The following BCL2 variants were observed in gnomAD, a reference collection of about 807,000 sequenced individuals.
BCL2 encodes the protein BCL2 apoptosis regulator, also known as apoptosis regulator Bcl-2.
BCL2 carries 1 observed loss-of-function variant against 14.2 expected under a neutral mutation model. That is an observed-to-expected ratio of 0.07 (90% CI 0.02 to 0.33). BCL2 has a LOEUF of 0.33. Among genes scored for constraint, BCL2 ranks in the 10% least tolerant of loss-of-function variants. The pLI, the probability that BCL2 is intolerant of heterozygous loss-of-function variation, is 0.99. For missense variants in BCL2, 247 were observed against 305.9 expected, an observed-to-expected ratio of 0.81 and a Z score of 1.44; for synonymous variants, 151 against 137.2, an observed-to-expected ratio of 1.10 and a Z score of -0.70.
intron 2 of BCL2, among the ~76,000 whole-genome samples, chr18:63,254,204 C>T (rs954862685): frequency 6.6e-5 from 10 of 151,710 alleles, no homozygotes; most frequent in East Asian, 5.8e-4. Context: ...TAACAATGGC[C>T]GTGTAAACAA....
chr18:63,218,730 CCT>C (rs1910289473), intron 2 of BCL2, among the ~76,000 whole-genome samples: 1 of 60,522 alleles, frequency 1.7e-5, no homozygotes, highest in Non-Finnish European at 3.7e-5. Flanking sequence ...TCCTCCCCAT[CCT>C]CCACTCATCT....
At chr18:63,145,822 T>C (rs1914497104) in intron 2 of BCL2, among the ~76,000 whole-genome samples, 3 of 152,146 alleles carry the variant, frequency 2.0e-5, no homozygotes, top group Admixed American at 6.5e-5. Flanking sequence ...AATCACAGCA[T>C]CCTTCATGCA....
intron 2 of BCL2, among the ~76,000 whole-genome samples, chr18:63,256,242 A>C (rs1223589907): frequency 1.3e-5 from 2 of 152,214 alleles, no homozygotes; most frequent in Non-Finnish European, 2.9e-5. Flanking sequence ...TTTGAGACCG[A>C]GTCTCGCTCT....
rs138495693 is a variant in BCL2, at chr18:63,133,792, G to C, written c.586-5033C>G. On this transcript the variant is annotated intron_variant, in intron 2 of 2. Transcript: ENST00000333681. ...TGAATTTGGTAATGCATATCAAAAG[G>C]CTTTTAAAAAGCTTTTGTTAGTAAT... is the stretch of plus-strand genomic sequence containing the variant. 4.0e-3 allele frequency among the ~76,000 whole-genome samples: 611 copies of C among 152,200 alleles called. 1 individual carries two copies. The highest frequency in any genetic ancestry group is 0.014 in the African/African-American group (587 of 41,512).
chr18:63,318,486 C>A lies in BCL2; in HGVS notation c.181G>T (p.Ala61Ser), dbSNP rs772554403. The change falls in exon 2 of 3, where the codon GCA becomes TCA. Residue 61 changes from alanine to serine, a missense_variant. Transcript: ENST00000333681. This position sits in a 1 kb window ranked among gnomAD's most constrained non-coding sequence, Gnocchi z 7.4. ...SQPGHTPHPAASRDPVARTSP... is the reference protein window; with the variant it reads ...SQPGHTPHPASSRDPVARTSP... Reference sequence around the variant, plus strand: ...GTCCTGGCGACCGGGTCCCGGGATGCGGCTGGATGGGGCGTGTGCCCGGGC... The same window carrying A: ...GTCCTGGCGACCGGGTCCCGGGATGAGGCTGGATGGGGCGTGTGCCCGGGC... The A allele has an allele frequency of 1.3e-6, 2 of 1,501,492 alleles. No individual in the cohort carries two copies. Among genetic ancestry groups the A allele is most frequent in the East Asian group, 2.5e-5 (1 of 39,540 alleles). 93.0% of individuals were successfully genotyped at this position (1,501,492 alleles called of 1,614,324 possible).
At position 63,297,877 on chromosome 18, in the gene BCL2, C is replaced by T. The variant is rs184935625; in HGVS notation, c.585+20205G>A. ...TGGACTTGCCTGGCCTCTCAAGTGG[C>T]TGCTTCTAAAAGCCCAGGAACACTG... is the stretch of plus-strand genomic sequence containing the variant. On this transcript the variant is annotated intron_variant, in intron 2 of 2. Transcript: ENST00000333681. Among the ~76,000 whole-genome samples the T allele has an allele frequency of 1.6e-4, 25 of 152,314 alleles. No individual in the cohort carries two copies. The East Asian group carries it at 4.4e-3, about 27-fold the overall frequency.
chr18:63,313,780 A>G (rs1044212244), intron 2 of BCL2: 4 of 152,150 alleles, frequency 2.6e-5, no homozygotes, highest in African/African-American at 9.7e-5. Flanking sequence ...CTGGGAACAG[A>G]GATAAGAAAA....
At chr18:63,194,258 G>C (rs1909377750) in intron 2 of BCL2, among the ~76,000 whole-genome samples, 1 of 152,142 alleles carries the variant, frequency 6.6e-6, no homozygotes, top group Non-Finnish European at 1.5e-5. Context: ...GAATGAGGCT[G>C]AATGTGAAGG....
At chr18:63,222,552 G>A (rs1200175952) in intron 2 of BCL2, among the ~76,000 whole-genome samples, 1 of 152,032 alleles carries the variant, frequency 6.6e-6, no homozygotes, top group African/African-American at 2.4e-5. Context: ...GAAAAAAAGA[G>A]AATAAGCAGA....
intron 2 of BCL2, among the ~76,000 whole-genome samples, chr18:63,257,426 G>C (rs1326053121): frequency 6.6e-6 from 1 of 152,228 alleles, no homozygotes; most frequent in Non-Finnish European, 1.5e-5. Context: ...CAGAAATTAT[G>C]CTGTCATTTT....
rs1599196062 is a variant in BCL2, at chr18:63,128,106, A to C, written c.*519T>G. 4.4e-6 allele frequency: 1 copy of C among 227,626 alleles called. No homozygotes were observed. The highest frequency in any genetic ancestry group is 6.3e-5 in the East Asian group (1 of 15,964). The allele number at this position is 227,626 out of a possible 1,614,324, so 14.1% of individuals were successfully genotyped here. ...CCCCCACAGGAACCCTCCCTCTGTT[A>C]ATATCACAGCCCCCAGGGCAAAGAA... On this transcript the variant is annotated 3_prime_UTR_variant, in exon 3 of 3. Coordinates refer to ENST00000333681, the MANE Select transcript of BCL2 (RefSeq NM_000633.3).
chr18:63,184,433 G>A (rs945600849), intron 2 of BCL2, among the ~76,000 whole-genome samples: 1 of 152,212 alleles, frequency 6.6e-6, no homozygotes, highest in Non-Finnish European at 1.5e-5. Context: ...GGCTTTTAAT[G>A]GGTGTCAGCC....
intron 2 of BCL2, among the ~76,000 whole-genome samples, chr18:63,172,908 C>G (rs1040335757): frequency 1.3e-5 from 2 of 152,252 alleles, no homozygotes; most frequent in African/African-American, 4.8e-5. Context: ...GATCTCAACT[C>G]CGCATTCATT....
intron 2 of BCL2, among the ~76,000 whole-genome samples, chr18:63,258,482 G>T (rs1353453124): frequency 6.6e-6 from 1 of 152,144 alleles, no homozygotes; most frequent in Non-Finnish European, 1.5e-5. Context: ...AGCCTTCTGT[G>T]TTATTTGGCT....
intron 2 of BCL2, among the ~76,000 whole-genome samples, chr18:63,208,354 C>T (rs939741217): frequency 4.0e-5 from 6 of 151,776 alleles, no homozygotes; most frequent in African/African-American, 1.4e-4. Context: ...CCCGCCCACC[C>T]GGCTCCCCGA....
chr18:63,208,881 T>A (rs2062011), intron 2 of BCL2, among the ~76,000 whole-genome samples: 35,122 of 152,082 alleles, frequency 0.23, 4,517 homozygotes, highest in East Asian at 0.33. Flanking sequence ...CACGTTGTCC[T>A]GAACAAAGTG....
At chr18:63,158,903 C>G (rs889196924) in intron 2 of BCL2, among the ~76,000 whole-genome samples, 1 of 152,158 alleles carries the variant, frequency 6.6e-6, no homozygotes, top group African/African-American at 2.4e-5. Context: ...AAAAGGATCT[C>G]TCTTGGGCTG....
intron 2 of BCL2, among the ~76,000 whole-genome samples, chr18:63,158,295 A>G (rs1218649443): frequency 2.0e-5 from 3 of 152,164 alleles, no homozygotes; most frequent in Non-Finnish European, 4.4e-5. Context: ...AGTAATATTC[A>G]TGCACCTTCT....
At chr18:63,294,649 GAC>G (rs1302319974) in intron 2 of BCL2, among the ~76,000 whole-genome samples, 2 of 151,846 alleles carry the variant, frequency 1.3e-5, no homozygotes, top group African/African-American at 4.8e-5. Context: ...CAGCCTGGGC[GAC>G]AGAGTGAGAA....
Sources: allele counts gnomAD v4.1 joint callset (sites outside exome capture counted in the v4.1 genomes callset), GRCh38; gene constraint gnomAD v4.1.1; non-coding constraint Gnocchi (gnomAD v3.1); transcripts MANE v1.5; gene names NCBI Gene and HGNC (gene_info 2026-07-23, HGNC 2026-07-21).